ACOXL: variants seen among roughly 807,000 people sequenced by gnomAD.
The protein encoded by ACOXL is acyl-coenzyme A oxidase-like protein.
In ACOXL, 70 loss-of-function variants were observed where a neutral mutation model predicts 71.9. That is an observed-to-expected ratio of 0.97 (90% confidence interval 0.80 to 1.19). The LOEUF is 1.19. Among genes scored for constraint, ACOXL ranks in the 50% most tolerant of loss-of-function variants. The pLI is 0.00. For missense variants in ACOXL, 703 were observed against 736.3 expected (o/e 0.95, Z 0.52); for synonymous variants, 253 against 281.6 (o/e 0.90, Z 1.02).
At chr2:110,766,411 G>A (rs1431664538) in intron 1 of ACOXL, among the ~76,000 whole-genome samples, 2 of 152,188 alleles carry the variant, frequency 1.3e-5, no homozygotes, top group African/African-American at 4.8e-5. Context: ...AAAATGTATG[G>A]AGTGGAAGTT....
chr2:110,742,925 CA>C (rs1677726690), intron 1 of ACOXL, among the ~76,000 whole-genome samples: 1 of 152,182 alleles, frequency 6.6e-6, no homozygotes, highest in Non-Finnish European at 1.5e-5. Flanking sequence ...GGGAGATTCA[CA>C]TAACATACAA....
chr2:111,015,848 A>G (rs1001290237), intron 14 of ACOXL, among the ~76,000 whole-genome samples: 4 of 152,214 alleles, frequency 2.6e-5, no homozygotes, highest in Admixed American at 2.6e-4. Flanking sequence ...CATTATGTTT[A>G]GTGAAAGAAG....
chr2:111,098,981 A>G (rs2068962494), intron 17 of ACOXL: 1 of 152,216 alleles, frequency 6.6e-6, no homozygotes. Flanking sequence ...CAAATGAGTA[A>G]AACTAAGAAA....
intron 10 of ACOXL, among the ~76,000 whole-genome samples, chr2:110,845,801 A>T (rs75878478): frequency 0.018 from 2,799 of 152,306 alleles, 45 homozygotes; most frequent in Non-Finnish European, 0.027. Flanking sequence ...CATAGCATGT[A>T]TAGGCCACGT....
chr2:111,050,308 C>T (rs376588725), intron 16 of ACOXL, among the ~76,000 whole-genome samples: 4 of 151,828 alleles, frequency 2.6e-5, no homozygotes, highest in East Asian at 3.9e-4. Context: ...AATAAAGAAG[C>T]GCTGCTCATA....
intron 10 of ACOXL, among the ~76,000 whole-genome samples, chr2:110,846,218 G>T (rs1177601477): frequency 6.6e-6 from 1 of 152,190 alleles, no homozygotes; most frequent in Non-Finnish European, 1.5e-5. Context: ...GACCAAGAGA[G>T]ATGGTGGGGA....
chr2:110,824,172 T>C (rs1191647534), intron 9 of ACOXL, among the ~76,000 whole-genome samples: 1 of 152,228 alleles, frequency 6.6e-6, no homozygotes, highest in South Asian at 2.1e-4. Context: ...CTCAGTTGAT[T>C]ATATTTATGT....
intron 12 of ACOXL, among the ~76,000 whole-genome samples, chr2:110,985,815 G>T (rs964884632): frequency 7.9e-5 from 12 of 152,160 alleles, no homozygotes; most frequent in African/African-American, 2.9e-4. Flanking sequence ...CAGGACACGG[G>T]GTATGGCACA....
At chr2:110,969,580 G>T (rs961494382) in intron 12 of ACOXL, among the ~76,000 whole-genome samples, 2 of 152,180 alleles carry the variant, frequency 1.3e-5, no homozygotes, top group Non-Finnish European at 2.9e-5. Context: ...GGAGGCCGAG[G>T]TGGGCAGCTT....
intron 14 of ACOXL, among the ~76,000 whole-genome samples, chr2:111,002,657 A>C (rs1463151646): frequency 3.3e-5 from 5 of 152,104 alleles, no homozygotes; most frequent in Admixed American, 3.3e-4. Flanking sequence ...CTAACACTTT[A>C]TTTCTCCAAC....
chr2:110,865,950 A>C (rs1042755166), intron 10 of ACOXL, among the ~76,000 whole-genome samples: 1 of 151,722 alleles, frequency 6.6e-6, no homozygotes, highest in Non-Finnish European at 1.5e-5. Context: ...AATAGATTGC[A>C]TTTCTCGGTG....
intron 13 of ACOXL, among the ~76,000 whole-genome samples, chr2:110,990,985 C>A (rs1043314095): frequency 3.9e-5 from 6 of 152,138 alleles, no homozygotes; most frequent in Non-Finnish European, 7.4e-5. Flanking sequence ...CAAAGTTTTA[C>A]ATCTCTCATA....
At chr2:110,886,607 A>T (rs1697329712) in intron 10 of ACOXL, among the ~76,000 whole-genome samples, 1 of 151,798 alleles carries the variant, frequency 6.6e-6, no homozygotes, top group Non-Finnish European at 1.5e-5. Context: ...TTGAATTCCT[A>T]ACCTCAGGTG....
intron 10 of ACOXL, among the ~76,000 whole-genome samples, chr2:110,892,187 G>C (rs540163970): frequency 1.2e-4 from 18 of 152,144 alleles, no homozygotes; most frequent in Non-Finnish European, 2.6e-4. Flanking sequence ...ACCAAGAAAT[G>C]AAATGGGCTT....
intron 17 of ACOXL, among the ~76,000 whole-genome samples, chr2:111,097,005 T>C (rs772176463): frequency 6.6e-6 from 1 of 152,170 alleles, no homozygotes; most frequent in Non-Finnish European, 1.5e-5. Flanking sequence ...TTTACTATTA[T>C]TACCTCCTGT....
intron 9 of ACOXL, among the ~76,000 whole-genome samples, chr2:110,820,519 G>T (rs1051454802): frequency 2.0e-5 from 3 of 151,900 alleles, no homozygotes; most frequent in African/African-American, 7.3e-5. Context: ...TGTTCTCTGA[G>T]GAATGCAGAG....
Position 110,818,526 on chromosome 2 carries a change from T to C in ACOXL, c.753+13131T>C, listed in dbSNP as rs1258722799. Among the ~76,000 whole-genome samples the C allele has an allele frequency of 0.024, 9 of 382 alleles. No homozygotes were observed. In the Admixed American group the frequency reaches 0.38, roughly 16 times the overall value. 0.3% of individuals were successfully genotyped at this position (382 alleles called of 152,430 possible). On this transcript the variant is annotated intron_variant, in intron 9 of 17. Coordinates refer to ENST00000439055, the MANE Select transcript of ACOXL (RefSeq NM_001142807.4). ...GTATATATATATGTGTATGTGTGTA[T>C]ATATATATGTGTATAAGTAGGTATA...
chr2:111,110,356 C>T (rs2069858558), intron 17 of ACOXL, among the ~76,000 whole-genome samples: 1 of 152,134 alleles, frequency 6.6e-6, no homozygotes, highest in African/African-American at 2.4e-5. Context: ...AAATGGTGAA[C>T]TACAGTTTCA....
intron 10 of ACOXL, chr2:110,886,853 TA>T: frequency 1.9e-6 from 3 of 1,550,930 alleles, no homozygotes; most frequent in Non-Finnish European, 2.6e-6. Context: ...TGGACCAGGC[TA>T]ATTTCCTGAA....
Sources: allele counts gnomAD v4.1 joint callset (sites outside exome capture counted in the v4.1 genomes callset), GRCh38; gene constraint gnomAD v4.1.1; transcripts MANE v1.5; gene names NCBI Gene and HGNC (gene_info 2026-07-23, HGNC 2026-07-21).